The following SLC2A13 variants were observed in gnomAD, a reference collection of about 807,000 sequenced individuals.
SLC2A13 encodes the protein solute carrier family 2 member 13.
Under a neutral mutation model 64.4 loss-of-function variants are expected in SLC2A13, and 32 were observed. The ratio of observed to expected loss-of-function variants is 0.50; its 90% CI spans 0.37 to 0.67. The LOEUF (loss-of-function observed/expected upper bound fraction) is 0.67. SLC2A13 is among the 30% of genes least tolerant of loss of function. SLC2A13 has a pLI of 0.00. For missense variants in SLC2A13, 743 were observed against 829.2 expected (o/e 0.90, Z 1.28); for synonymous variants, 338 against 327.1 (o/e 1.03, Z -0.36).
chr12:39,946,545 T>C (rs1946137162), intron 4 of SLC2A13, among the ~76,000 whole-genome samples: 1 of 152,158 alleles, frequency 6.6e-6, no homozygotes, highest in Non-Finnish European at 1.5e-5. Context: ...GTGGCTGCTG[T>C]GGGGGTTGAG....
intron 7 of SLC2A13, among the ~76,000 whole-genome samples, chr12:39,796,422 TAA>T (rs10545679): frequency 0.084 from 9,902 of 117,658 alleles, 530 homozygotes; most frequent in African/African-American, 0.17. Context: ...GGACCCATCT[TAA>T]AAAAAAAAAA....
intron 4 of SLC2A13, among the ~76,000 whole-genome samples, chr12:39,909,462 T>C (rs1945372309): frequency 1.3e-5 from 2 of 152,150 alleles, no homozygotes; most frequent in Non-Finnish European, 2.9e-5. Flanking sequence ...ACCATGAATA[T>C]TTCAGAAGAA....
At chr12:39,896,465 TACATATATGTATATGTGTATATATGTAC>T (rs1565528574) in intron 4 of SLC2A13, among the ~76,000 whole-genome samples, 2 of 141,450 alleles carry the variant, frequency 1.4e-5, no homozygotes, top group African/African-American at 2.6e-5. Context: ...TATATATGTA[TACATATATGTATATGTGTATATATGTAC>T]ACATATATGT....
chr12:39,972,947 A>G (rs936309293), intron 3 of SLC2A13, among the ~76,000 whole-genome samples: 1 of 152,052 alleles, frequency 6.6e-6, no homozygotes, highest in Non-Finnish European at 1.5e-5. Context: ...CATGCCTGTA[A>G]TCCCAGCTAC....
intron 1 of SLC2A13, among the ~76,000 whole-genome samples, chr12:40,089,490 G>A (rs1252108845): frequency 6.6e-6 from 1 of 152,172 alleles, no homozygotes; most frequent in Non-Finnish European, 1.5e-5. Flanking sequence ...TTTCTCAATT[G>A]TAATCAATAA....
Position 39,760,293 on chromosome 12 carries a change from G to T in SLC2A13, c.1721-41C>A, listed in dbSNP as rs373821501. On this transcript the variant is annotated intron_variant, in intron 9 of 9. Transcript: ENST00000280871. ...ATAGATACATGAATATGAATATATA[G>T]AGAGAGGCTTAAGTTGGAAAGATTA... The T allele has an allele frequency of 9.2e-5, 141 of 1,532,676 alleles. 1 individual carries two copies. Among genetic ancestry groups the T allele is most frequent in the South Asian group, 5.6e-4 (47 of 84,468 alleles). The allele number at this position is 1,532,676 out of a possible 1,614,324, so 94.9% of individuals were successfully genotyped here.
At chr12:39,940,699 A>G (rs891647933) in intron 4 of SLC2A13, among the ~76,000 whole-genome samples, 2 of 151,956 alleles carry the variant, frequency 1.3e-5, no homozygotes, top group African/African-American at 4.8e-5. Context: ...AAAATATATA[A>G]ACTTATAATA....
At chr12:40,036,023 C>G (rs1001147392) in intron 2 of SLC2A13, among the ~76,000 whole-genome samples, 2 of 151,924 alleles carry the variant, frequency 1.3e-5, no homozygotes, top group African/African-American at 4.8e-5. Flanking sequence ...TTTTTTCCCC[C>G]CAAACTCTGA....
intron 4 of SLC2A13, among the ~76,000 whole-genome samples, chr12:39,885,326 CAG>C (rs766493593): frequency 6.6e-6 from 1 of 152,076 alleles, no homozygotes; most frequent in Admixed American, 6.6e-5. Context: ...TGTAGAAAAA[CAG>C]AGAGTAGGTG....
chr12:39,760,117 G>A lies in SLC2A13; in HGVS notation c.1856C>T (p.Ser619Leu). Residue 619 changes from serine to leucine, a missense_variant, in exon 10 of 10, where the codon TCA becomes TTA. Transcript: ENST00000280871. ...AATATATCTCCCTTCATCAGAATCT[G>A]AAGTGCCACATGTACATAGCCTGTT... ...FDNRLCTCGT[S>L]DSDEGRYIEY... 2 of 1,612,912 alleles carry A rather than the reference G, an allele frequency of 1.2e-6. No individual in the cohort carries two copies. Among genetic ancestry groups the A allele is most frequent in the Non-Finnish European group, 1.7e-6 (2 of 1,179,350 alleles).
chr12:39,920,836 G>GC (rs1945603612), intron 4 of SLC2A13, among the ~76,000 whole-genome samples: 1 of 152,028 alleles, frequency 6.6e-6, no homozygotes, highest in African/African-American at 2.4e-5. Flanking sequence ...ACCTTAGCTA[G>GC]CCACAGAATG....
At chr12:40,089,913 T>G (rs1040969600) in intron 1 of SLC2A13, among the ~76,000 whole-genome samples, 2 of 152,166 alleles carry the variant, frequency 1.3e-5, no homozygotes, top group African/African-American at 4.8e-5. Flanking sequence ...GCTGAAGGAC[T>G]GAGCGCTTGA....
At chr12:40,079,062 C>T (rs1471382131) in intron 1 of SLC2A13, among the ~76,000 whole-genome samples, 1 of 152,082 alleles carries the variant, frequency 6.6e-6, no homozygotes, top group East Asian at 1.9e-4. Context: ...CTTATGCATT[C>T]TTTCGAAGAA....
intron 3 of SLC2A13, among the ~76,000 whole-genome samples, chr12:39,953,702 TA>T (rs1565559385): frequency 6.6e-6 from 1 of 152,198 alleles, no homozygotes; most frequent in Non-Finnish European, 1.5e-5. Context: ...TTATAAAAAC[TA>T]AAACCTTTAA....
At chr12:40,040,645 G>A (rs1948071696) in intron 2 of SLC2A13, among the ~76,000 whole-genome samples, 3 of 152,170 alleles carry the variant, frequency 2.0e-5, no homozygotes, top group Non-Finnish European at 4.4e-5. Context: ...ACCAGCTTTG[G>A]CCTCCCAAAG....
intron 3 of SLC2A13, among the ~76,000 whole-genome samples, chr12:39,977,943 T>A (rs949845569): frequency 6.6e-6 from 1 of 152,328 alleles, no homozygotes; most frequent in South Asian, 2.1e-4. Context: ...TAAATTATTA[T>A]CTTTATGATA....
chr12:39,998,760 T>C (rs953826806), intron 3 of SLC2A13, among the ~76,000 whole-genome samples: 1 of 152,180 alleles, frequency 6.6e-6, no homozygotes, highest in African/African-American at 2.4e-5. Context: ...GTTAAGACTT[T>C]GGAGGACTGT....
chr12:39,831,573 GT>G (rs1942851538), intron 6 of SLC2A13, among the ~76,000 whole-genome samples: 1 of 152,070 alleles, frequency 6.6e-6, no homozygotes. Flanking sequence ...TGGTGATAGG[GT>G]TTTTATGTTG....
chr12:39,977,811 A>G (rs1946791550), intron 3 of SLC2A13, among the ~76,000 whole-genome samples: 1 of 152,200 alleles, frequency 6.6e-6, no homozygotes, highest in Non-Finnish European at 1.5e-5. Flanking sequence ...AAAAGAAGAG[A>G]TTCCTATAAA....
Sources: allele counts gnomAD v4.1 joint callset (sites outside exome capture counted in the v4.1 genomes callset), GRCh38; gene constraint gnomAD v4.1.1; transcripts MANE v1.5; gene names NCBI Gene and HGNC (gene_info 2026-07-23, HGNC 2026-07-21).